Variants in ROBO2 observed in about 807,000 individuals in gnomAD.
ROBO2 encodes the protein roundabout guidance receptor 2.
In ROBO2, 53 loss-of-function variants were observed where a neutral mutation model predicts 160.8. That is an observed-to-expected ratio of 0.33 (90% confidence interval 0.26 to 0.41). ROBO2 has a LOEUF of 0.41. ROBO2 is among the 10% of genes least tolerant of loss of function. The probability of loss-of-function intolerance (pLI) is 1.00; values close to 1 mark genes in which losing one functional copy is unlikely to be tolerated. For synonymous variants in ROBO2, 664 were observed against 611.7 expected (o/e 1.09, Z -1.26); for missense variants, 1,577 against 1,722.4 (o/e 0.92, Z 1.49).
rs141563612 is a variant in ROBO2 at position 76,686,831 on chromosome 3, T to C, written c.110-411183T>C. 2.9e-3 allele frequency among the ~76,000 whole-genome samples: 438 copies of C among 152,172 alleles called. 3 individuals are homozygous for C. Among genetic ancestry groups the C allele is most frequent in the African/African-American group, 9.7e-3 (403 of 41,544 alleles). On this transcript the variant is annotated intron_variant, in intron 2 of 26. Coordinates refer to the ROBO2 transcript ENST00000487694. ...AGAAAAAAAAGTATTTTACAATAAA[T>C]ACTATAATATAAAAGCTACAGCTAT...
intron 4 of ROBO2, 114 bp from the exon 5 acceptor site, chr3:77,493,130 T>G: frequency 9.9e-7 from 1 of 1,005,738 alleles, no homozygotes; most frequent in South Asian, 1.3e-5. Flanking sequence ...AGGTACAGAG[T>G]TAGGTACCTG....
chr3:76,009,583 C>A (rs2066136189), intron 2 of ROBO2, among the ~76,000 whole-genome samples: 1 of 152,162 alleles, frequency 6.6e-6, no homozygotes, highest in African/African-American at 2.4e-5. Flanking sequence ...AGTGTTGCGT[C>A]TTTCAGAAAA....
intron 2 of ROBO2, among the ~76,000 whole-genome samples, chr3:75,950,064 CATTT>C (rs1376421991): frequency 6.6e-5 from 10 of 151,728 alleles, no homozygotes; most frequent in East Asian, 1.9e-4. Flanking sequence ...TACTTTCGTC[CATTT>C]ATTTGATAAA....
intron 2 of ROBO2, among the ~76,000 whole-genome samples, chr3:76,718,843 T>C (rs1047596279): frequency 1.3e-5 from 2 of 152,242 alleles, no homozygotes; most frequent in African/African-American, 2.4e-5. Context: ...AACCATTGCC[T>C]AGAACATTTT....
chr3:77,422,338 G>C (rs893274985), intron 2 of ROBO2, among the ~76,000 whole-genome samples: 4 of 152,100 alleles, frequency 2.6e-5, no homozygotes, highest in Admixed American at 2.0e-4. Flanking sequence ...TGGACATGAA[G>C]GCTAAGCAGG....
intron 2 of ROBO2, among the ~76,000 whole-genome samples, chr3:77,166,686 G>A (rs1301432518): frequency 1.3e-5 from 2 of 152,072 alleles, no homozygotes; most frequent in Admixed American, 6.5e-5. Flanking sequence ...AGCCTCCCGA[G>A]TAGCTGGGAC....
rs1323165987 is a variant in ROBO2 at position 76,811,773 on chromosome 3, CCCT to C, written c.110-286237_110-286235del. Reference sequence around the variant, plus strand: ...TTTGCTTAATTACCTTTCTCTCTTTCCCTCCTTCCTTCCTTCCTTCCTTCCTTC... The same window carrying C: ...TTTGCTTAATTACCTTTCTCTCTTTCCCTTCCTTCCTTCCTTCCTTCCTTC... On this transcript the variant is annotated intron_variant, in intron 2 of 26. Transcript: ENST00000487694. Among the ~76,000 whole-genome samples, 82 of 148,096 alleles carry C rather than the reference CCCT, an allele frequency of 5.5e-4. 1 individual carries two copies. Among genetic ancestry groups the C allele is most frequent in the African/African-American group, 1.9e-3 (75 of 40,078 alleles).
At chr3:75,933,034 G>A (rs1330603271) in intron 1 of ROBO2, among the ~76,000 whole-genome samples, 1 of 152,168 alleles carries the variant, frequency 6.6e-6, no homozygotes, top group East Asian at 1.9e-4. Context: ...TTTAGACTGA[G>A]ATAAGCCCTG....
chr3:76,958,910 C>G (rs1018005707), intron 2 of ROBO2, among the ~76,000 whole-genome samples: 1 of 152,196 alleles, frequency 6.6e-6, no homozygotes, highest in African/African-American at 2.4e-5. Context: ...AATTGATACT[C>G]TCTCTTTCTT....
At chr3:77,638,930 G>A (rs113505620) in intron 24 of ROBO2, among the ~76,000 whole-genome samples, 5 of 146,816 alleles carry the variant, frequency 3.4e-5, no homozygotes, top group African/African-American at 1.3e-4. Context: ...GGGTTCAAGC[G>A]ATTCTCCTGC....
intron 2 of ROBO2, among the ~76,000 whole-genome samples, chr3:76,398,383 A>G (rs536758423): frequency 4.0e-5 from 6 of 151,868 alleles, no homozygotes; most frequent in Non-Finnish European, 7.4e-5. Context: ...CTAAATGACA[A>G]GTTAATGGGT....
intron 2 of ROBO2, among the ~76,000 whole-genome samples, chr3:76,889,951 G>C (rs111851610): frequency 0.016 from 2,402 of 152,258 alleles, 26 homozygotes; most frequent in African/African-American, 0.026. Context: ...GGCTATGCAA[G>C]AGACCTGAGA....
In ROBO2 at chr3:76,261,202, G is replaced by GTGTATA. The variant is rs368720562; in HGVS notation, c.109+323601_109+323602insGTATAT. Among the ~76,000 whole-genome samples the GTGTATA allele has an allele frequency of 9.4e-4, 63 of 67,130 alleles. 1 individual carries two copies. Among genetic ancestry groups the GTGTATA allele is most frequent in the Admixed American group, 7.9e-3 (61 of 7,726 alleles). The allele number at this position is 67,130 out of a possible 152,430, so 44.0% of individuals were successfully genotyped here. A position where few individuals can be genotyped will look rare whatever the true frequency, so the allele number is the denominator to read the frequency against. On this transcript the variant is annotated intron_variant, in intron 2 of 26. Transcript: ENST00000487694. ...TGTGTGTGTGTGTGTGTGTGTGTGT[G>GTGTATA]TATATATATATATAAATGACAGCTT...
At chr3:76,551,946 G>A (rs1231756258) in intron 2 of ROBO2, among the ~76,000 whole-genome samples, 1 of 152,122 alleles carries the variant, frequency 6.6e-6, no homozygotes, top group Non-Finnish European at 1.5e-5. Context: ...TGGTCTGGCA[G>A]TGTGAGCCAA....
chr3:77,138,153 C>T (rs1278498453), intron 2 of ROBO2, among the ~76,000 whole-genome samples: 1 of 152,080 alleles, frequency 6.6e-6, no homozygotes, highest in African/African-American at 2.4e-5. Context: ...TTGTCCTTAC[C>T]AGCACTATAA....
intron 2 of ROBO2, among the ~76,000 whole-genome samples, chr3:77,163,684 CTATT>C (rs2078692599): frequency 1.3e-5 from 2 of 152,136 alleles, no homozygotes; most frequent in African/African-American, 2.4e-5. Flanking sequence ...ACTGACAATT[CTATT>C]TGTTTTGTTC....
At chr3:76,595,433 G>T (rs1258307627) in intron 2 of ROBO2, among the ~76,000 whole-genome samples, 2 of 152,014 alleles carry the variant, frequency 1.3e-5, no homozygotes, top group African/African-American at 4.8e-5. Flanking sequence ...TGAGTTTTGT[G>T]ATTTATAAAA....
chr3:77,232,888 C>G (rs537979796), intron 2 of ROBO2, among the ~76,000 whole-genome samples: 19 of 152,258 alleles, frequency 1.2e-4, no homozygotes, highest in African/African-American at 3.6e-4. Context: ...GTTGCCTCAT[C>G]ATTTTCAAAA....
chr3:76,492,224 T>C (rs2079869332), intron 2 of ROBO2, among the ~76,000 whole-genome samples: 1 of 152,186 alleles, frequency 6.6e-6, no homozygotes, highest in South Asian at 2.1e-4. Flanking sequence ...AATTTTGGGC[T>C]GTATTAGGCT....
Sources: allele counts gnomAD v4.1 joint callset (sites outside exome capture counted in the v4.1 genomes callset), GRCh38; gene constraint gnomAD v4.1.1; transcripts MANE v1.5; gene names NCBI Gene and HGNC (gene_info 2026-07-23, HGNC 2026-07-21).